PDGFD: variants seen among roughly 807,000 people sequenced by gnomAD.
PDGFD encodes the protein platelet derived growth factor D.
In PDGFD, 30 loss-of-function variants were observed where a neutral mutation model predicts 44.7. The ratio of observed to expected loss-of-function variants is 0.67; its 90% CI spans 0.50 to 0.91. The LOEUF (loss-of-function observed/expected upper bound fraction) is 0.91, where lower values mean the gene tolerates loss of function less well. PDGFD is among the 40% of genes least tolerant of loss of function. PDGFD has a pLI of 0.00. For missense variants in PDGFD, 445 were observed against 457.8 expected (o/e 0.97, Z 0.25); for synonymous variants, 173 against 168.4 (o/e 1.03, Z -0.21).
At chr11:104,059,727 G>T (rs1174321818) in intron 1 of PDGFD, among the ~76,000 whole-genome samples, 1 of 152,138 alleles carries the variant, frequency 6.6e-6, no homozygotes, top group African/African-American at 2.4e-5. Context: ...CTCTGCTGTT[G>T]TTGATTCACC....
chr11:104,055,003 G>A (rs1252047215), intron 1 of PDGFD, among the ~76,000 whole-genome samples: 1 of 152,094 alleles, frequency 6.6e-6, no homozygotes, highest in Non-Finnish European at 1.5e-5. Flanking sequence ...AGTAGCATCT[G>A]GCATACAGAA....
chr11:104,022,885 T>C (rs1026410892), intron 1 of PDGFD, among the ~76,000 whole-genome samples: 2 of 152,072 alleles, frequency 1.3e-5, no homozygotes, highest in East Asian at 1.9e-4. Context: ...CTGAACACTA[T>C]GTAGGTAGTA....
chr11:103,979,724 A>G (rs1384691849), intron 3 of PDGFD, among the ~76,000 whole-genome samples: 1 of 152,112 alleles, frequency 6.6e-6, no homozygotes. Flanking sequence ...AGATAATTCT[A>G]AGAGAAAACA....
chr11:103,943,725 G>T, intron 4 of PDGFD, 75 bp from the exon 5 acceptor site: 1 of 1,265,298 alleles, frequency 7.9e-7, no homozygotes, highest in Non-Finnish European at 1.1e-6. Flanking sequence ...TCAACTATAC[G>T]GAAGGAACAT....
chr11:104,060,179 CTGTG>C (rs770835869), intron 1 of PDGFD, among the ~76,000 whole-genome samples: 5 of 152,216 alleles, frequency 3.3e-5, no homozygotes, highest in Non-Finnish European at 5.9e-5. Flanking sequence ...TACAGATCCA[CTGTG>C]TTATGAATTA....
chr11:104,067,672 C>G (rs1269918096), intron 1 of PDGFD, among the ~76,000 whole-genome samples: 2 of 152,102 alleles, frequency 1.3e-5, no homozygotes, highest in Non-Finnish European at 2.9e-5. Context: ...ATATTAGATT[C>G]AGGCAGAAAA....
intron 1 of PDGFD, among the ~76,000 whole-genome samples, chr11:104,062,267 T>A (rs1450264529): frequency 6.6e-6 from 1 of 152,324 alleles, no homozygotes; most frequent in Admixed American, 6.5e-5. Context: ...AGCATTCCAG[T>A]TACAACCTTG....
intron 1 of PDGFD, among the ~76,000 whole-genome samples, chr11:104,084,230 A>G (rs1277533042): frequency 2.0e-5 from 3 of 152,176 alleles, no homozygotes. Context: ...GAGAAACAAG[A>G]AATATTAGCT....
chr11:104,073,091 A>G (rs1448654139), intron 1 of PDGFD, among the ~76,000 whole-genome samples: 1 of 152,110 alleles, frequency 6.6e-6, no homozygotes, highest in Non-Finnish European at 1.5e-5. Flanking sequence ...TTGGAGAAGC[A>G]TAACTAGATG....
At chr11:104,011,437 C>T (rs985560087) in intron 1 of PDGFD, among the ~76,000 whole-genome samples, 3 of 152,092 alleles carry the variant, frequency 2.0e-5, no homozygotes, top group Admixed American at 6.5e-5. Flanking sequence ...GTGCTATTTA[C>T]GGATTAAATC....
intron 6 of PDGFD, among the ~76,000 whole-genome samples, chr11:103,917,879 TG>T (rs1161117923): frequency 2.0e-5 from 3 of 152,214 alleles, no homozygotes; most frequent in East Asian, 3.9e-4. Context: ...CTTGAACTTT[TG>T]TCCTAGGTGA....
intron 1 of PDGFD, among the ~76,000 whole-genome samples, chr11:104,082,597 C>A (rs1861060758): frequency 6.7e-6 from 1 of 149,080 alleles, no homozygotes; most frequent in African/African-American, 2.5e-5. Context: ...TGTATCATGA[C>A]CATAGTTAAT....
chr11:103,965,490 C>G (rs1347112558), intron 3 of PDGFD, among the ~76,000 whole-genome samples: 1 of 152,158 alleles, frequency 6.6e-6, no homozygotes, highest in East Asian at 1.9e-4. Context: ...AAAAATTCCC[C>G]CTTGACATTT....
intron 5 of PDGFD, among the ~76,000 whole-genome samples, chr11:103,938,889 G>A (rs1382460294): frequency 6.6e-6 from 1 of 152,054 alleles, no homozygotes; most frequent in African/African-American, 2.4e-5. Context: ...ATTTCTGAGG[G>A]CTCTGTTCTG....
intron 5 of PDGFD, among the ~76,000 whole-genome samples, chr11:103,943,139 C>T (rs116473136): frequency 1.3e-5 from 2 of 152,226 alleles, no homozygotes; most frequent in African/African-American, 2.4e-5. Flanking sequence ...ATATATTGTA[C>T]TGCTAATCCT....
intron 1 of PDGFD, among the ~76,000 whole-genome samples, chr11:104,003,149 G>C (rs1859645629): frequency 1.3e-5 from 2 of 152,232 alleles, no homozygotes; most frequent in African/African-American, 4.8e-5. Context: ...AGGCAAAAGG[G>C]AATATTAAGT....
chr11:103,967,593 T>C (rs1300433796), intron 3 of PDGFD, among the ~76,000 whole-genome samples: 1 of 152,166 alleles, frequency 6.6e-6, no homozygotes, highest in Non-Finnish European at 1.5e-5. Context: ...AATTCATCAC[T>C]TTGGCTTCTC....
chr11:104,149,610 C>T (rs1862213644), intron 1 of PDGFD, among the ~76,000 whole-genome samples: 1 of 152,128 alleles, frequency 6.6e-6, no homozygotes, highest in African/African-American at 2.4e-5. Flanking sequence ...GAGTGCTTCC[C>T]TCCTGCTCCA....
chr11:103,991,811 CCTCAAAACAA>C (rs1859457526), intron 3 of PDGFD, among the ~76,000 whole-genome samples: 1 of 152,110 alleles, frequency 6.6e-6, no homozygotes, highest in African/African-American at 2.4e-5. Flanking sequence ...CTAATTTAAT[CCTCAAAACAA>C]CCTAATGTCA....
Sources: gnomAD v4.1 joint callset for allele counts (sites outside exome capture counted in the v4.1 genomes callset) on GRCh38, gnomAD v4.1.1 for gene constraint, MANE v1.5 for transcripts, NCBI Gene and HGNC (gene_info 2026-07-23, HGNC 2026-07-21) for gene names.